MYC: variants seen among roughly 807,000 people sequenced by gnomAD.
MYC encodes the protein myc proto-oncogene protein.
In MYC, 1 loss-of-function variant was observed where a neutral mutation model predicts 30.5. The ratio of observed to expected loss-of-function variants is 0.03; its 90% CI spans 0.01 to 0.16. The LOEUF is 0.16. Ranked by LOEUF, MYC falls within the 10% of genes least tolerant of loss-of-function variation. MYC has a pLI of 1.00. For synonymous variants in MYC, 267 were observed against 250.7 expected (o/e 1.07, Z -0.62); for missense variants, 508 against 589.0 (o/e 0.86, Z 1.42).
At chr8:127,740,314 G>C in intron 2 of MYC, 82 bp from the exon 3 acceptor site, 2 of 1,382,734 alleles carry the variant, frequency 1.4e-6, no homozygotes, top group Non-Finnish European at 2.0e-6. Flanking sequence ...TTCATGCCTT[G>C]TATTTGTACA....
chr8:127,737,139 C>G (rs578195374), intron 1 of MYC, among the ~76,000 whole-genome samples: 1 of 152,404 alleles, frequency 6.6e-6, no homozygotes, highest in South Asian at 2.1e-4. Flanking sequence ...ACGGACACTG[C>G]GGCGCGTCCC....
At chr8:127,739,227 C>T (rs1056240755) in intron 2 of MYC, among the ~76,000 whole-genome samples, 1 of 152,208 alleles carries the variant, frequency 6.6e-6, no homozygotes, top group Admixed American at 6.5e-5. Flanking sequence ...CAGCCCCCCT[C>T]CCCGTTTGTC....
Position 127,738,358 on chromosome 8 carries a change from C to T in MYC, c.141C>T (p.Tyr47=). ...ACTGCGACGAGGAGGAGAACTTCTA[C>T]CAGCAGCAGCAGCAGAGCGAGCTGC... Residue 47 remains tyrosine, a synonymous_variant, in exon 2 of 3, where the codon TAC becomes TAT. Transcript: ENST00000621592. The surrounding 1 kb of genome is among the most constrained non-coding windows in gnomAD (Gnocchi z 7.6). 1.2e-6 allele frequency: 2 copies of T among 1,613,644 alleles called. No individual in the cohort carries two copies. Among genetic ancestry groups the T allele is most frequent in the Non-Finnish European group, 1.7e-6 (2 of 1,179,666 alleles).
chr8:127,736,298 C>G lies in MYC; in HGVS notation c.-296C>G. The G allele has an allele frequency of 1.8e-6, 1 of 552,288 alleles. No homozygotes were observed. The highest frequency in any genetic ancestry group is 3.2e-6 in the Non-Finnish European group (1 of 313,800). The allele number at this position is 552,288 out of a possible 1,614,324, so 34.2% of individuals were successfully genotyped here. Reference sequence around the variant, plus strand: ...GGGCGGCCGGCTAGGGTGGAAGAGCCGGGCGAGCAGAGCTGCGCTGCGGGC... The same window carrying G: ...GGGCGGCCGGCTAGGGTGGAAGAGCGGGGCGAGCAGAGCTGCGCTGCGGGC... On this transcript the variant is annotated 5_prime_UTR_variant, in exon 1 of 3. Transcript: ENST00000621592.
rs1461530725 is a variant in MYC, at chr8:127,738,808, C to T, written c.591C>T (p.Ser197=). ...CCAGCTTGTACCTGCAGGATCTGAG[C>T]GCCGCCGCCTCAGAGTGCATCGACC... The change falls in exon 2 of 3, where the codon AGC becomes AGT. Residue 197 remains serine (S), a synonymous_variant. Coordinates refer to ENST00000621592, the MANE Select transcript of MYC (RefSeq NM_002467.6). The surrounding 1 kb of genome is among the most constrained non-coding windows in gnomAD (Gnocchi z 7.6). 6.2e-7 allele frequency: 1 copy of T among 1,608,768 alleles called. No individual in the cohort carries two copies. Among genetic ancestry groups the T allele is most frequent in the Non-Finnish European group, 8.5e-7 (1 of 1,177,258 alleles).
rs745436215 is a variant in MYC at position 127,740,892 on chromosome 8, C to T, written c.1299C>T (p.Asp433=). ...AGCAAAAGCTCATTTCTGAAGAGGA[C>T]TTGTTGCGGAAACGACGAGAACAGT... is the stretch of plus-strand genomic sequence containing the variant. Residue 433 remains aspartate (D), a synonymous_variant, in exon 3 of 3, where the codon GAC becomes GAT. Transcript: ENST00000621592. The T allele has an allele frequency of 6.2e-7, 1 of 1,607,280 alleles. No homozygotes were observed. Among genetic ancestry groups the T allele is most frequent in the Non-Finnish European group, 8.5e-7 (1 of 1,178,036 alleles).
rs549914515 is a variant in MYC at position 127,736,782 on chromosome 8, C to A, written c.30+159C>A. 9.9e-5 allele frequency among the ~76,000 whole-genome samples: 15 copies of A among 152,184 alleles called. No homozygotes were observed. The South Asian group carries it at 3.1e-3, about 32-fold the overall frequency. On this transcript the variant is annotated intron_variant, in intron 1 of 2. Coordinates refer to ENST00000621592, the MANE Select transcript of MYC (RefSeq NM_002467.6). ...AACTGGGGCTGGGGTGGGGGGTAAT[C>A]CAGAACTGGATCGGGGTAAAGTGAC...
upstream of MYC, chr8:127,735,737 G>A: frequency 2.5e-6 from 1 of 399,182 alleles, no homozygotes; most frequent in Non-Finnish European, 4.4e-6. Context: ...CGCCTGCGAT[G>A]ATTTATACTC....
chr8:127,740,896 TTGCGGAAACGA>T lies in MYC; in HGVS notation c.1304_1314del (p.Leu435SerfsTer9). 6.2e-7 allele frequency: 1 copy of T among 1,606,970 alleles called. No homozygotes were observed. The highest frequency in any genetic ancestry group is 8.5e-7 in the Non-Finnish European group (1 of 1,177,914). Reference sequence around the variant, plus strand: ...AAAGCTCATTTCTGAAGAGGACTTGTTGCGGAAACGACGAGAACAGTTGAAACACAAACTTG... The same window carrying T: ...AAAGCTCATTTCTGAAGAGGACTTGTCGAGAACAGTTGAAACACAAACTTG... On this transcript the variant is annotated frameshift_variant, in exon 3 of 3. Coordinates refer to ENST00000621592, the MANE Select transcript of MYC (RefSeq NM_002467.6). LOFTEE classifies it high-confidence loss of function.
intron 1 of MYC, among the ~76,000 whole-genome samples, chr8:127,737,463 C>T (rs956868179): frequency 6.6e-6 from 1 of 152,150 alleles, no homozygotes; most frequent in African/African-American, 2.4e-5. Context: ...TCCAGAACAG[C>T]TGCTACCCTT....
In MYC at chr8:127,742,201, C is replaced by G. The variant is rs1813722894; in HGVS notation, c.*1243C>G. On this transcript the variant is annotated 3_prime_UTR_variant, in exon 3 of 3. Transcript: ENST00000621592. ...ACTCCTAAGCATTTTATCCCTAACT[C>G]TACATCAACCCCATGAAGGAGATAC... 6.6e-6 allele frequency among the ~76,000 whole-genome samples: 1 copy of G among 152,184 alleles called. No individual in the cohort carries two copies. The highest frequency in any genetic ancestry group is 1.5e-5 in the Non-Finnish European group (1 of 68,028).
upstream of MYC, chr8:127,735,940 T>G (rs1296869403): frequency 1.0e-5 from 1 of 97,414 alleles, no homozygotes; most frequent in Non-Finnish European, 1.8e-5. Flanking sequence ...TTCCCCACCC[T>G]CCCCACCCTC....
At position 127,740,996 on chromosome 8, in the gene MYC, TC is replaced by T; in HGVS notation, c.*40del. On this transcript the variant is annotated 3_prime_UTR_variant, in exon 3 of 3. Coordinates refer to ENST00000621592, the MANE Select transcript of MYC (RefSeq NM_002467.6). ...AAAACGATTCCTTCTAACAGAAATG[TC>T]CTGAGCAATCACCTATGAACTTGTT... The T allele has an allele frequency of 6.6e-7, 1 of 1,506,352 alleles. No individual in the cohort carries two copies. Among genetic ancestry groups the T allele is most frequent in the East Asian group, 2.3e-5 (1 of 44,182 alleles). 93.3% of individuals were successfully genotyped at this position (1,506,352 alleles called of 1,614,324 possible). A position where few individuals can be genotyped will look rare whatever the true frequency, so the allele number is the denominator to read the frequency against.
chr8:127,736,315 G>T lies in MYC; in HGVS notation c.-279G>T, dbSNP rs1397473893. On this transcript the variant is annotated 5_prime_UTR_variant, in exon 1 of 3. Coordinates refer to ENST00000621592, the MANE Select transcript of MYC (RefSeq NM_002467.6). ...GGAAGAGCCGGGCGAGCAGAGCTGC[G>T]CTGCGGGCGTCCTGGGAAGGGAGAT... 5.1e-6 allele frequency: 3 copies of T among 585,894 alleles called. No individual in the cohort carries two copies. Among genetic ancestry groups the T allele is most frequent in the Non-Finnish European group, 9.1e-6 (3 of 331,078 alleles). 36.3% of individuals were successfully genotyped at this position (585,894 alleles called of 1,614,324 possible).
chr8:127,739,619 C>T (rs1379669118), intron 2 of MYC, among the ~76,000 whole-genome samples: 2 of 151,640 alleles, frequency 1.3e-5, no homozygotes, highest in African/African-American at 4.9e-5. Context: ...TTCTTTTATT[C>T]CTTCCCCCGC....
Position 127,738,361 on chromosome 8 carries a change from G to A in MYC, c.144G>A (p.Gln48=), listed in dbSNP as rs61752959. ...GCGACGAGGAGGAGAACTTCTACCA[G>A]CAGCAGCAGCAGAGCGAGCTGCAGC... Residue 48 remains glutamine (Q), a synonymous_variant, in exon 2 of 3, where the codon CAG becomes CAA. Coordinates refer to ENST00000621592, the MANE Select transcript of MYC (RefSeq NM_002467.6). The surrounding 1 kb of genome is among the most constrained non-coding windows in gnomAD (Gnocchi z 7.6). 2.2e-3 allele frequency: 3,560 copies of A among 1,602,308 alleles called. 65 individuals are homozygous for A. The African/African-American group carries it at 0.038, about 17-fold the overall frequency.
At chr8:127,737,001 A>G (rs966220130) in intron 1 of MYC, among the ~76,000 whole-genome samples, 1 of 152,238 alleles carries the variant, frequency 6.6e-6, no homozygotes, top group Non-Finnish European at 1.5e-5. Flanking sequence ...AGCCCCTTGC[A>G]TCCTGAGCTC....
Position 127,738,684 on chromosome 8 carries a change from C to T in MYC, c.467C>T (p.Ala156Val), listed in dbSNP as rs2130095587. The T allele has an allele frequency of 6.2e-7, 1 of 1,614,112 alleles. No homozygotes were observed. The highest frequency in any genetic ancestry group is 1.1e-5 in the South Asian group (1 of 91,084). The change falls in exon 2 of 3, where the codon GCC becomes GTC. Residue 156 changes from alanine to valine, a missense_variant. By Grantham distance (64) the Ala-to-Val change is moderately conservative (BLOSUM62 0). Coordinates refer to ENST00000621592, the MANE Select transcript of MYC (RefSeq NM_002467.6). The surrounding 1 kb of genome is among the most constrained non-coding windows in gnomAD (Gnocchi z 7.6). ...TGTATGTGGAGCGGCTTCTCGGCCGCCGCCAAGCTCGTCTCAGAGAAGCTG... is the reference window on the plus strand; with the variant it reads ...TGTATGTGGAGCGGCTTCTCGGCCGTCGCCAAGCTCGTCTCAGAGAAGCTG...
intron 2 of MYC, 86 bp downstream of exon 2, chr8:127,739,105 C>T: frequency 7.5e-7 from 1 of 1,333,046 alleles, no homozygotes; most frequent in South Asian, 1.6e-5. Flanking sequence ...ACGGGCCACT[C>T]TTATTAGGAA....
Sources: allele counts gnomAD v4.1 joint callset (sites outside exome capture counted in the v4.1 genomes callset), GRCh38; gene constraint gnomAD v4.1.1; non-coding constraint Gnocchi (gnomAD v3.1); transcripts MANE v1.5; gene names NCBI Gene and HGNC (gene_info 2026-07-23, HGNC 2026-07-21).